THSD7B: variants seen among roughly 807,000 people sequenced by gnomAD.
THSD7B encodes the protein thrombospondin type 1 domain containing 7B, also known as thrombospondin type-1 domain-containing protein 7B.
Under a neutral mutation model 213.6 loss-of-function variants are expected in THSD7B, and 138 were observed. The ratio of observed to expected loss-of-function variants is 0.65; its 90% CI spans 0.56 to 0.74. The LOEUF is 0.74. THSD7B is among the 30% of genes least tolerant of loss of function. The pLI is 0.00. For synonymous variants in THSD7B, 742 were observed against 687.0 expected (o/e 1.08, Z -1.25); for missense variants, 1,931 against 1,991.5 (o/e 0.97, Z 0.58).
chr2:137,431,110 G>A (rs1410257424), intron 14 of THSD7B, among the ~76,000 whole-genome samples: 4 of 152,186 alleles, frequency 2.6e-5, no homozygotes, highest in Non-Finnish European at 4.4e-5. Context: ...TGTGCCCAAG[G>A]TGGTCAGGGA....
At chr2:136,991,933 G>A (rs1047269038) in intron 2 of THSD7B, among the ~76,000 whole-genome samples, 1 of 152,096 alleles carries the variant, frequency 6.6e-6, no homozygotes, top group Non-Finnish European at 1.5e-5. Flanking sequence ...GCCCTAAAAC[G>A]GGATTTCTTA....
chr2:137,549,475 AG>A (rs1680805080), intron 15 of THSD7B, among the ~76,000 whole-genome samples: 1 of 151,948 alleles, frequency 6.6e-6, no homozygotes, highest in South Asian at 2.1e-4. Flanking sequence ...AAGCAGTGAT[AG>A]GTTTCCATGG....
intron 3 of THSD7B, among the ~76,000 whole-genome samples, chr2:137,078,931 A>G (rs1048542611): frequency 6.6e-6 from 1 of 152,050 alleles, no homozygotes; most frequent in South Asian, 2.1e-4. Flanking sequence ...TCATTTTTAA[A>G]TTCTGGTTTT....
intron 14 of THSD7B, among the ~76,000 whole-genome samples, chr2:137,431,009 CA>C (rs1329899868): frequency 2.6e-5 from 4 of 152,138 alleles, no homozygotes; most frequent in African/African-American, 9.7e-5. Context: ...CAAAAAGAGT[CA>C]AACTCTATAA....
At chr2:137,287,744 T>C (rs1415554482) in intron 12 of THSD7B, among the ~76,000 whole-genome samples, 2 of 151,970 alleles carry the variant, frequency 1.3e-5, no homozygotes, top group Non-Finnish European at 2.9e-5. Context: ...AGATATTTCA[T>C]TGATAAAATT....
chr2:137,318,489 T>A (rs1684181431), intron 12 of THSD7B, among the ~76,000 whole-genome samples: 1 of 152,058 alleles, frequency 6.6e-6, no homozygotes, highest in Admixed American at 6.6e-5. Context: ...CAGATACATC[T>A]ACTGAAAGTA....
chr2:137,104,163 A>G (rs1009936481), intron 4 of THSD7B, among the ~76,000 whole-genome samples: 1 of 152,208 alleles, frequency 6.6e-6, no homozygotes, highest in Non-Finnish European at 1.5e-5. Context: ...GTAAAAGAAC[A>G]GAAATAATAA....
intron 5 of THSD7B, among the ~76,000 whole-genome samples, chr2:137,155,767 A>C (rs576615134): frequency 6.6e-6 from 1 of 152,296 alleles, no homozygotes; most frequent in South Asian, 2.1e-4. Context: ...TTTGGATTTT[A>C]TTTAAAGGTA....
At chr2:137,511,939 AT>A (rs1348726257) in intron 15 of THSD7B, among the ~76,000 whole-genome samples, 3 of 152,140 alleles carry the variant, frequency 2.0e-5, no homozygotes, top group Non-Finnish European at 2.9e-5. Context: ...ATGTAAAGCT[AT>A]TGGATTTTGC....
chr2:137,012,214 A>G (rs1452605764), intron 2 of THSD7B, among the ~76,000 whole-genome samples: 1 of 152,242 alleles, frequency 6.6e-6, no homozygotes, highest in Non-Finnish European at 1.5e-5. Flanking sequence ...GGAACTGAGT[A>G]TGAGTGGAGC....
chr2:136,979,895 T>C (rs1470417260), intron 2 of THSD7B, among the ~76,000 whole-genome samples: 1 of 152,214 alleles, frequency 6.6e-6, no homozygotes, highest in African/African-American at 2.4e-5. Flanking sequence ...TTTCTCATCT[T>C]CATGGGTTTG....
intron 9 of THSD7B, among the ~76,000 whole-genome samples, chr2:137,237,082 C>T (rs941947474): frequency 7.2e-6 from 1 of 138,906 alleles, no homozygotes; most frequent in Non-Finnish European, 1.5e-5. Context: ...CATTACACTC[C>T]AGCCTGGGCA....
chr2:137,570,353 G>T (rs1008858083), intron 16 of THSD7B, among the ~76,000 whole-genome samples: 1 of 151,810 alleles, frequency 6.6e-6, no homozygotes, highest in Non-Finnish European at 1.5e-5. Context: ...CTGTCGTCCA[G>T]GCTGGAGTGC....
chr2:137,098,571 C>T (rs1448309723), intron 4 of THSD7B, among the ~76,000 whole-genome samples: 9 of 152,060 alleles, frequency 5.9e-5, no homozygotes, highest in Admixed American at 5.9e-4. Flanking sequence ...AGAAAAGCAT[C>T]ATTTGAACAA....
intron 7 of THSD7B, among the ~76,000 whole-genome samples, chr2:137,207,197 GT>G (rs1313776473): frequency 6.6e-6 from 1 of 152,052 alleles, no homozygotes; most frequent in Non-Finnish European, 1.5e-5. Context: ...GCTTTTATAT[GT>G]TAACAACTTG....
intron 12 of THSD7B, among the ~76,000 whole-genome samples, chr2:137,347,562 T>G (rs1191523167): frequency 6.6e-6 from 1 of 150,870 alleles, no homozygotes; most frequent in African/African-American, 2.4e-5. Flanking sequence ...TTGATTTTTT[T>G]TTTTTTTTTT....
chr2:137,374,020 G>C (rs929506225), intron 12 of THSD7B, among the ~76,000 whole-genome samples: 1 of 152,004 alleles, frequency 6.6e-6, no homozygotes, highest in Non-Finnish European at 1.5e-5. Flanking sequence ...GATATGCGGT[G>C]TTATTTCTGA....
chr2:137,563,499 A>G (rs1681166386), intron 16 of THSD7B, 145 bp downstream of exon 16: 1 of 1,130,688 alleles, frequency 8.8e-7, no homozygotes, highest in Non-Finnish European at 1.2e-6. Flanking sequence ...ATATTCATTG[A>G]AATAAGTGCA....
At chr2:136,999,440 G>T (rs1256671507) in intron 2 of THSD7B, among the ~76,000 whole-genome samples, 7 of 150,294 alleles carry the variant, frequency 4.7e-5, no homozygotes, top group Non-Finnish European at 3.0e-5. Context: ...GTAATGTAGG[G>T]TGATAGATTT....
Sources: gnomAD v4.1 joint callset for allele counts (sites outside exome capture counted in the v4.1 genomes callset) on GRCh38, gnomAD v4.1.1 for gene constraint, MANE v1.5 for transcripts, NCBI Gene and HGNC (gene_info 2026-07-23, HGNC 2026-07-21) for gene names.